The following SKI variants were observed in gnomAD, a reference collection of about 807,000 sequenced individuals.
SKI encodes SKI proto-oncogene, also known as ski oncogene.
Under a neutral mutation model 59.3 loss-of-function variants are expected in SKI, and 23 were observed. The observed-to-expected ratio is 0.39, with a 90% CI of 0.28 to 0.55. The LOEUF is 0.55. SKI is among the 20% of genes least tolerant of loss of function. The pLI, the probability that SKI is intolerant of heterozygous loss-of-function variation, is 0.67. For synonymous variants in SKI, 673 were observed against 488.6 expected, an observed-to-expected ratio of 1.38 and a Z score of -4.98; for missense variants, 1,017 against 1,038.9, an observed-to-expected ratio of 0.98 and a Z score of 0.29.
chr1:2,277,257 C>T (rs917375771), intron 1 of SKI, among the ~76,000 whole-genome samples: 2 of 152,150 alleles, frequency 1.3e-5, no homozygotes, highest in African/African-American at 4.8e-5. Context: ...CCATGCCCAG[C>T]TAATTTTTGT....
intron 1 of SKI, among the ~76,000 whole-genome samples, chr1:2,248,246 C>A (rs563483674): frequency 6.6e-6 from 1 of 152,282 alleles, no homozygotes; most frequent in South Asian, 2.1e-4. Context: ...CACACTGCCG[C>A]GTCCCCTCTC....
rs889511670 is a variant in SKI at position 2,306,564 on chromosome 1, G to C, written c.1999-13G>C. On this transcript the variant is annotated splice_polypyrimidine_tract_variant and intron_variant, in intron 6 of 6. Coordinates refer to ENST00000378536, the MANE Select transcript of SKI (RefSeq NM_003036.4). ...AGCGAGCAGGCGCCGCTGACCACTC[G>C]GCTCCCTTTCAGATCGAAGACCTGC... is the stretch of plus-strand genomic sequence containing the variant. The C allele has an allele frequency of 3.2e-6, 5 of 1,540,176 alleles. No individual in the cohort carries two copies. Among genetic ancestry groups the C allele is most frequent in the Non-Finnish European group, 4.4e-6 (5 of 1,145,162 alleles).
At chr1:2,240,311 A>G (rs537995087) in intron 1 of SKI, among the ~76,000 whole-genome samples, 15 of 152,254 alleles carry the variant, frequency 9.9e-5, no homozygotes, top group Admixed American at 4.6e-4. Context: ...GTCAGGGAGG[A>G]GGGAGTCCTG....
At position 2,268,925 on chromosome 1, in the gene SKI, C is replaced by G. The variant is rs1639556294; in HGVS notation, c.970-34053C>G. 6.6e-6 allele frequency among the ~76,000 whole-genome samples: 1 copy of G among 151,226 alleles called. No homozygotes were observed. The highest frequency in any genetic ancestry group is 6.6e-5 in the Admixed American group (1 of 15,180). On this transcript the variant is annotated intron_variant, in intron 1 of 6. Transcript: ENST00000378536. The surrounding 1 kb of genome is among the most constrained non-coding windows in gnomAD (Gnocchi z 5.0). The stretch of plus-strand genomic sequence containing the variant: ...ATGTCCATTTCCCTTTTCCCTCCCT[C>G]CCTCTCTTTCCTTCTCTCCTTCTCT...
intron 1 of SKI, among the ~76,000 whole-genome samples, chr1:2,300,527 G>C (rs55710545): frequency 0.15 from 23,057 of 152,254 alleles, 1,867 homozygotes; most frequent in Middle Eastern, 0.27. Context: ...TGGTAGGGCG[G>C]GTGGCATCCC....
intron 1 of SKI, among the ~76,000 whole-genome samples, chr1:2,287,291 G>T (rs1640059146): frequency 6.6e-6 from 1 of 151,982 alleles, no homozygotes; most frequent in Non-Finnish European, 1.5e-5. Flanking sequence ...GAGAGTGTTG[G>T]CCTTGGACAG....
At chr1:2,253,869 C>T (rs1052858188) in intron 1 of SKI, among the ~76,000 whole-genome samples, 3 of 152,180 alleles carry the variant, frequency 2.0e-5, no homozygotes, top group Admixed American at 1.3e-4. Flanking sequence ...GGCATCGATG[C>T]TGGACTTGCT....
At chr1:2,274,368 G>A (rs1355428317) in intron 1 of SKI, among the ~76,000 whole-genome samples, 1 of 152,160 alleles carries the variant, frequency 6.6e-6, no homozygotes, top group Non-Finnish European at 1.5e-5. Flanking sequence ...GCCCCCATAT[G>A]CTGGGTTTGC....
chr1:2,261,959 A>G (rs377655218), intron 1 of SKI, among the ~76,000 whole-genome samples: 19 of 109,136 alleles, frequency 1.7e-4, no homozygotes, highest in East Asian at 1.1e-3. Flanking sequence ...TGATCTCCTG[A>G]TCTCCTGGTC....
At chr1:2,273,850 T>G (rs762574259) in intron 1 of SKI, among the ~76,000 whole-genome samples, 10 of 152,156 alleles carry the variant, frequency 6.6e-5, no homozygotes, top group Admixed American at 6.5e-5. Context: ...GGATGGGCCG[T>G]GCAGGCAGAC....
intron 1 of SKI, chr1:2,240,417 T>C (rs1638845084): frequency 1.1e-6 from 1 of 917,460 alleles, no homozygotes; most frequent in Admixed American, 6.2e-5. Flanking sequence ...TGTCTGGGAC[T>C]CTGAACTGCC....
intron 1 of SKI, among the ~76,000 whole-genome samples, chr1:2,289,653 G>A (rs1045959473): frequency 1.3e-5 from 2 of 148,794 alleles, no homozygotes; most frequent in Non-Finnish European, 1.5e-5. Context: ...TCGTGCTCCC[G>A]GGGCTGGCTG....
chr1:2,288,687 G>C lies in SKI; in HGVS notation c.970-14291G>C, dbSNP rs13373946. ...TTGGCCACAGAGTCAGCTGGCAGTG[G>C]CTGTCTGTGGGTCACCTCCACACAT... On this transcript the variant is annotated intron_variant, in intron 1 of 6. Coordinates refer to ENST00000378536, the MANE Select transcript of SKI (RefSeq NM_003036.4). 4.4e-3 allele frequency among the ~76,000 whole-genome samples: 675 copies of C among 152,322 alleles called. 7 individuals are homozygous for C. Among genetic ancestry groups the C allele is most frequent in the African/African-American group, 0.016 (650 of 41,582 alleles).
At chr1:2,249,424 CA>C in intron 1 of SKI, among the ~76,000 whole-genome samples, 1 of 152,234 alleles carries the variant, frequency 6.6e-6, no homozygotes, top group Non-Finnish European at 1.5e-5. Context: ...TTCAGTGCCC[CA>C]GGGCTGTTTT....
intron 1 of SKI, among the ~76,000 whole-genome samples, chr1:2,293,289 C>T (rs942113789): frequency 3.3e-5 from 5 of 152,146 alleles, no homozygotes; most frequent in African/African-American, 7.2e-5. Flanking sequence ...GATCCACCGG[C>T]GTGGCCCTGG....
rs1317311585 is a variant in SKI, at chr1:2,306,779, C to T, written c.*14C>T. ...CTGGAGCCGTAGATTCCGTGCCTGCCGCCGCAGCGCCGCCGACAACGCGGG... is the reference window on the plus strand; with the variant it reads ...CTGGAGCCGTAGATTCCGTGCCTGCTGCCGCAGCGCCGCCGACAACGCGGG... On this transcript the variant is annotated 3_prime_UTR_variant, in exon 7 of 7. Coordinates refer to ENST00000378536, the MANE Select transcript of SKI (RefSeq NM_003036.4). The T allele has an allele frequency of 1.3e-5, 20 of 1,484,952 alleles. No homozygotes were observed. Among genetic ancestry groups the T allele is most frequent in the African/African-American group, 8.8e-5 (6 of 67,866 alleles). 92.0% of individuals were successfully genotyped at this position (1,484,952 alleles called of 1,614,324 possible).
chr1:2,244,223 C>T (rs1434170858), intron 1 of SKI, among the ~76,000 whole-genome samples: 2 of 152,014 alleles, frequency 1.3e-5, no homozygotes, highest in African/African-American at 4.8e-5. Context: ...CTCGGCCTCC[C>T]AAAGTGCTGG....
In SKI at chr1:2,229,524, T is replaced by C; in HGVS notation, c.758T>C (p.Met253Thr). 1 of 1,611,230 alleles carries C rather than the reference T, an allele frequency of 6.2e-7. No homozygotes were observed. The highest frequency in any genetic ancestry group is 1.1e-5 in the South Asian group (1 of 91,070). Reference protein sequence around the residue: ...ACIQCLDCRLMYPPHKFVVHS... With the variant: ...ACIQCLDCRLTYPPHKFVVHS... Reference sequence around the variant, plus strand: ...ATCCAGTGCCTGGACTGCCGCCTCATGTACCCGCCGCACAAGTTCGTGGTG... The same window carrying C: ...ATCCAGTGCCTGGACTGCCGCCTCACGTACCCGCCGCACAAGTTCGTGGTG... The change falls in exon 1 of 7, where the codon ATG (methionine) becomes ACG (threonine). Residue 253 changes from methionine (M) to threonine (T), a missense_variant. Coordinates refer to ENST00000378536, the MANE Select transcript of SKI (RefSeq NM_003036.4). This position sits in a 1 kb window ranked among gnomAD's most constrained non-coding sequence, Gnocchi z 6.3.
At chr1:2,291,140 C>T (rs1241904091) in intron 1 of SKI, among the ~76,000 whole-genome samples, 1 of 152,092 alleles carries the variant, frequency 6.6e-6, no homozygotes, top group Non-Finnish European at 1.5e-5. Flanking sequence ...GCTGGGGATG[C>T]TCATGCCAGC....
Sources: allele counts gnomAD v4.1 joint callset (sites outside exome capture counted in the v4.1 genomes callset), GRCh38; gene constraint gnomAD v4.1.1; non-coding constraint Gnocchi (gnomAD v3.1); transcripts MANE v1.5; gene names NCBI Gene and HGNC (gene_info 2026-07-23, HGNC 2026-07-21).